ZMIZ1: variants seen among roughly 807,000 people sequenced by gnomAD.
The protein encoded by ZMIZ1 is zinc finger MIZ-type containing 1.
In ZMIZ1, 17 loss-of-function variants were observed where a neutral mutation model predicts 113.9. The observed-to-expected ratio is 0.15, with a 90% confidence interval of 0.10 to 0.22. ZMIZ1 has a LOEUF of 0.22. Among genes scored for constraint, ZMIZ1 ranks in the 10% least tolerant of loss-of-function variants. The pLI is 1.00. For synonymous variants in ZMIZ1, 607 were observed against 603.1 expected, an observed-to-expected ratio of 1.01 and a Z score of -0.09; for missense variants, 1,059 against 1,477.8, an observed-to-expected ratio of 0.72 and a Z score of 4.65.
chr10:79,312,291 A>G (rs1328860119), intron 24 of ZMIZ1, among the ~76,000 whole-genome samples: 1 of 152,242 alleles, frequency 6.6e-6, no homozygotes, highest in Non-Finnish European at 1.5e-5. Context: ...CACGTGAAGC[A>G]TGTGATTTCA....
chr10:79,074,092 C>T (rs1443798025), intron 1 of ZMIZ1, among the ~76,000 whole-genome samples: 1 of 152,228 alleles, frequency 6.6e-6, no homozygotes, highest in Non-Finnish European at 1.5e-5. Context: ...GAAGCTTTTT[C>T]CATCTTTGTT....
intron 2 of ZMIZ1, among the ~76,000 whole-genome samples, chr10:79,129,528 G>T (rs558408560): frequency 6.6e-6 from 1 of 152,124 alleles, no homozygotes; most frequent in African/African-American, 2.4e-5. Context: ...ATCCCCCAGG[G>T]CCTGGCTCCA....
rs1189187923 is a variant in ZMIZ1, at chr10:79,289,765, C to A, written c.426-10C>A. The A allele has an allele frequency of 6.2e-7, 1 of 1,612,470 alleles. No individual in the cohort carries two copies. Among genetic ancestry groups the A allele is most frequent in the South Asian group, 1.1e-5 (1 of 90,972 alleles). On this transcript the variant is annotated splice_polypyrimidine_tract_variant and intron_variant, in intron 8 of 24. Transcript: ENST00000334512. ...AGGCCCTGAAGATCTCCCTCTGTCT[C>A]CCTCTGCAGTGATGGGTCGTTCCCC...
intron 4 of ZMIZ1, among the ~76,000 whole-genome samples, chr10:79,194,041 C>T (rs1041241579): frequency 6.6e-6 from 1 of 152,216 alleles, no homozygotes; most frequent in Non-Finnish European, 1.5e-5. Flanking sequence ...TAGGCTTTCC[C>T]TTCTGGCTGT....
rs750380639 is a variant in ZMIZ1 at position 79,277,334 on chromosome 10, G to A, written c.425+9G>A. ...CCCACTCTGTCGCACAGGTAAGTGG[G>A]TGGGTGCCATGGGTGCAGGTACTGA... On this transcript the variant is annotated intron_variant, in intron 8 of 24. Coordinates refer to ENST00000334512, the MANE Select transcript of ZMIZ1 (RefSeq NM_020338.4). 4 of 1,590,268 alleles carry A rather than the reference G, an allele frequency of 2.5e-6. No individual in the cohort carries two copies. The African/African-American group carries it at 5.4e-5, about 22-fold the overall frequency.
At chr10:79,295,889 C>G (rs1406320939) in intron 12 of ZMIZ1, 1 of 152,558 alleles carries the variant, frequency 6.6e-6, no homozygotes, top group African/African-American at 2.4e-5. Context: ...AATTGTCTGT[C>G]CCGGGAGAAG....
At chr10:79,160,724 G>A (rs1846080787) in intron 3 of ZMIZ1, among the ~76,000 whole-genome samples, 1 of 152,380 alleles carries the variant, frequency 6.6e-6, no homozygotes, top group South Asian at 2.1e-4. Context: ...TGCACAGTGA[G>A]GTGGAGCCCA....
chr10:79,273,761 G>A (rs908407090), intron 7 of ZMIZ1, among the ~76,000 whole-genome samples: 2 of 152,262 alleles, frequency 1.3e-5, no homozygotes, highest in South Asian at 2.1e-4. Context: ...TCCTCTCCAC[G>A]CCCCTTGGCA....
intron 4 of ZMIZ1, among the ~76,000 whole-genome samples, chr10:79,190,448 C>T (rs1271824436): frequency 6.6e-6 from 1 of 152,238 alleles, no homozygotes; most frequent in Non-Finnish European, 1.5e-5. Flanking sequence ...CTGCGCAGAT[C>T]CCAGATCACT....
At chr10:79,251,914 T>C (rs1850575797) in intron 7 of ZMIZ1, among the ~76,000 whole-genome samples, 1 of 152,170 alleles carries the variant, frequency 6.6e-6, no homozygotes, top group Non-Finnish European at 1.5e-5. Context: ...ACTAGAACCA[T>C]GGCAGCCTTG....
chr10:79,292,317 G>A lies in ZMIZ1; in HGVS notation c.918G>A (p.Leu306=). ...TATATATVAA[L]QETQNKDINQ... The stretch of plus-strand genomic sequence containing the variant: ...CAGCCACGGCCACTGTGGCAGCCCT[G>A]CAGGAGACACAGAACAAGGATATAA... Residue 306 remains leucine (L), a synonymous_variant, in exon 11 of 25, where the codon CTG becomes CTA. Transcript: ENST00000334512. 7 of 1,613,428 alleles carry A rather than the reference G, an allele frequency of 4.3e-6. No individual in the cohort carries two copies. The highest frequency in any genetic ancestry group is 5.9e-6 in the Non-Finnish European group (7 of 1,179,678).
intron 3 of ZMIZ1, among the ~76,000 whole-genome samples, chr10:79,139,999 C>T (rs1376248344): frequency 6.6e-6 from 1 of 152,226 alleles, no homozygotes; most frequent in Non-Finnish European, 1.5e-5. Context: ...TGTCTGTCTC[C>T]AAAATGGGGC....
At chr10:79,298,307 G>A in intron 14 of ZMIZ1, 99 bp from the exon 15 acceptor site, 3 of 1,350,584 alleles carry the variant, frequency 2.2e-6, no homozygotes, top group Non-Finnish European at 3.0e-6. Context: ...GAGGGGCATG[G>A]CTCCAGGCCC....
At chr10:79,289,448 G>A (rs939761346) in intron 8 of ZMIZ1, among the ~76,000 whole-genome samples, 2 of 152,200 alleles carry the variant, frequency 1.3e-5, no homozygotes, top group Non-Finnish European at 2.9e-5. Flanking sequence ...CCCGGGTGAA[G>A]GAGGAGCTCA....
chr10:79,250,206 G>A (rs1179569223), intron 7 of ZMIZ1, among the ~76,000 whole-genome samples: 1 of 152,178 alleles, frequency 6.6e-6, no homozygotes, highest in African/African-American at 2.4e-5. Context: ...CCGAGACTGG[G>A]TTCTCTCCAC....
intron 5 of ZMIZ1, among the ~76,000 whole-genome samples, chr10:79,202,192 A>G (rs1271121527): frequency 2.0e-5 from 2 of 97,750 alleles, no homozygotes; most frequent in African/African-American, 4.3e-5. Context: ...TGTCTCAGAA[A>G]AAAAAAAAAA....
intron 7 of ZMIZ1, among the ~76,000 whole-genome samples, chr10:79,274,015 C>A (rs187142077): frequency 6.9e-4 from 105 of 152,166 alleles, no homozygotes; most frequent in African/African-American, 2.5e-3. Context: ...TCCTAGCTGC[C>A]ATTTTAATTT....
At chr10:79,238,073 C>G (rs555530637) in intron 7 of ZMIZ1, among the ~76,000 whole-genome samples, 2 of 152,236 alleles carry the variant, frequency 1.3e-5, no homozygotes, top group African/African-American at 4.8e-5. Context: ...GCCCCCTCCC[C>G]GCTCGGTAGC....
At chr10:79,113,538 C>T (rs912853915) in intron 1 of ZMIZ1, among the ~76,000 whole-genome samples, 1 of 152,198 alleles carries the variant, frequency 6.6e-6, no homozygotes, top group African/African-American at 2.4e-5. Context: ...CAGCCTGCTC[C>T]ACACTCCACT....
Sources: allele counts gnomAD v4.1 joint callset (sites outside exome capture counted in the v4.1 genomes callset), GRCh38; gene constraint gnomAD v4.1.1; transcripts MANE v1.5; gene names NCBI Gene and HGNC (gene_info 2026-07-23, HGNC 2026-07-21).